MYH14: variants seen among roughly 807,000 people sequenced by gnomAD.
MYH14 encodes the protein myosin-14.
A neutral mutation model predicts 255.5 loss-of-function variants in MYH14; 123 were observed. The ratio of observed to expected loss-of-function variants is 0.48; its 90% CI spans 0.42 to 0.56. The LOEUF (loss-of-function observed/expected upper bound fraction) is 0.56. Among genes scored for constraint, MYH14 ranks in the 20% least tolerant of loss-of-function variants. MYH14 has a pLI of 0.00. For missense variants in MYH14, 2,423 were observed against 2,802.3 expected (o/e 0.86, Z 3.06); for synonymous variants, 1,095 against 1,161.2 (o/e 0.94, Z 1.16).
Position 50,278,241 on chromosome 19 carries a change from T to C in MYH14, c.3984T>C (p.Asp1328=). The change falls in exon 30 of 43, where the codon GAT becomes GAC. Residue 1328 remains aspartate, a synonymous_variant. Coordinates refer to ENST00000642316, the MANE Select transcript of MYH14 (RefSeq NM_001145809.2). ...QLQEVQGRAG[D]GERARAEAAE... is the part of the protein sequence containing the mutation. ...AGGAGGTGCAGGGCCGGGCTGGTGA[T>C]GGGGAGAGGGCACGAGCGGAGGCTG... The C allele has an allele frequency of 6.3e-7, 1 of 1,596,372 alleles. No individual in the cohort carries two copies. The highest frequency in any genetic ancestry group is 8.5e-7 in the Non-Finnish European group (1 of 1,172,554).
intron 13 of MYH14, 147 bp from the exon 14 acceptor site, chr19:50,249,503 C>A: frequency 1.1e-6 from 1 of 888,338 alleles, no homozygotes; most frequent in South Asian, 1.6e-5. Flanking sequence ...GTCTCTGTCC[C>A]CCTCTCTCTG....
intron 39 of MYH14, among the ~76,000 whole-genome samples, chr19:50,298,675 C>T (rs1334807842): frequency 6.6e-6 from 1 of 151,188 alleles, no homozygotes; most frequent in African/African-American, 2.4e-5. Context: ...AGCTTGAACC[C>T]AGGAGGCAGA....
intron 39 of MYH14, among the ~76,000 whole-genome samples, chr19:50,297,671 T>C (rs1415647587): frequency 6.7e-6 from 1 of 149,884 alleles, no homozygotes; most frequent in Admixed American, 6.6e-5. Flanking sequence ...TAATTTTTTT[T>C]GTATTTTTAG....
intron 3 of MYH14, among the ~76,000 whole-genome samples, chr19:50,220,922 T>C (rs2032787135): frequency 6.6e-6 from 1 of 152,192 alleles, no homozygotes; most frequent in African/African-American, 2.4e-5. Context: ...CCAGGTAGAA[T>C]AGTGGATTCA....
rs2036285201 is a variant in MYH14, at chr19:50,296,878, T to TC, written c.5469+3191_5469+3192insC. On this transcript the variant is annotated intron_variant, in intron 39 of 42. Coordinates refer to ENST00000642316, the MANE Select transcript of MYH14 (RefSeq NM_001145809.2). ...TCTGTTTAAATTCAACAGCAACGTTTTAAAAAAATATTAATTAGTTGCTGT... is the reference window on the plus strand; with the variant it reads ...TCTGTTTAAATTCAACAGCAACGTTTCTAAAAAAATATTAATTAGTTGCTGT... 1.3e-4 allele frequency among the ~76,000 whole-genome samples: 10 copies of TC among 79,596 alleles called. No individual in the cohort carries two copies. The Admixed American group carries it at 1.7e-3, about 14-fold the overall frequency. The allele number at this position is 79,596 out of a possible 152,430, so 52.2% of individuals were successfully genotyped here.
At position 50,276,212 on chromosome 19, in the gene MYH14, C is replaced by T. The variant is rs76579307; in HGVS notation, c.3680+9C>T. 335,729 of 1,525,978 alleles carry T rather than the reference C, an allele frequency of 0.22. 39,304 individuals are homozygous for T. The highest frequency in any genetic ancestry group is 0.24 in the Non-Finnish European group (273,095 of 1,134,108). 94.5% of individuals were successfully genotyped at this position (1,525,978 alleles called of 1,614,324 possible). Reference sequence around the variant, plus strand: ...GCACAGCAGGAGCTCCGGTGAGGCCCGGTGGCAGGCCGCTGTCACAGCCTG... The same window carrying T: ...GCACAGCAGGAGCTCCGGTGAGGCCTGGTGGCAGGCCGCTGTCACAGCCTG... On this transcript the variant is annotated intron_variant, in intron 28 of 42. Transcript: ENST00000642316. The surrounding 1 kb of genome is among the most constrained non-coding windows in gnomAD (Gnocchi z 4.3).
chr19:50,255,190 C>G lies in MYH14; in HGVS notation c.1946-30C>G. 3.5e-6 allele frequency: 5 copies of G among 1,434,776 alleles called. No individual in the cohort carries two copies. In the South Asian group the frequency reaches 6.1e-5, roughly 18 times the overall value. The allele number at this position is 1,434,776 out of a possible 1,614,324, so 88.9% of individuals were successfully genotyped here. ...CCATCTCTCTGCCATCTCCCCTCCA[C>G]CCACCCACACATCTGTCCTCACTCC... is the stretch of plus-strand genomic sequence containing the variant. On this transcript the variant is annotated intron_variant, in intron 16 of 42. Transcript: ENST00000642316.
rs200553325 is a variant in MYH14, at chr19:50,293,727, T to C, written c.5469+40T>C. 2.3e-5 allele frequency: 35 copies of C among 1,522,756 alleles called. No individual in the cohort carries two copies. In the Admixed American group the frequency reaches 3.5e-4, roughly 15 times the overall value. The allele number at this position is 1,522,756 out of a possible 1,614,324, so 94.3% of individuals were successfully genotyped here. A position where few individuals can be genotyped will look rare whatever the true frequency, so the allele number is the denominator to read the frequency against. On this transcript the variant is annotated intron_variant, in intron 39 of 42. Transcript: ENST00000642316. This position sits in a 1 kb window ranked among gnomAD's most constrained non-coding sequence, Gnocchi z 4.1. ...CCGCCCCCACCAGCCTCAGTCCCCA[T>C]TGACCTGGGACCGTAACCTTCAGTC...
At chr19:50,268,408 CCT>C (rs1353857081) in intron 24 of MYH14, 41 bp downstream of exon 24, 105 of 1,537,616 alleles carry the variant, frequency 6.8e-5, no homozygotes, top group Admixed American at 1.8e-4. Flanking sequence ...CCTCCAGACC[CCT>C]CTGTCTACAC....
chr19:50,287,792 A>C (rs955814047), intron 34 of MYH14, among the ~76,000 whole-genome samples: 27 of 152,216 alleles, frequency 1.8e-4, no homozygotes, highest in Non-Finnish European at 7.3e-5. Flanking sequence ...ACACATATGT[A>C]TGGATGCTCA....
At chr19:50,308,903 G>A in intron 41 of MYH14, 102 bp from the exon 42 acceptor site, 4 of 1,141,012 alleles carry the variant, frequency 3.5e-6, no homozygotes, top group Non-Finnish European at 5.0e-6. Flanking sequence ...GGGGCAGAGA[G>A]AGTCAGGGGG....
intron 10 of MYH14, among the ~76,000 whole-genome samples, chr19:50,233,177 T>G (rs1484356938): frequency 6.6e-6 from 1 of 151,958 alleles, no homozygotes; most frequent in African/African-American, 2.4e-5. Context: ...CCCCACTTTT[T>G]TTTTTCTTTT....
Position 50,210,564 on chromosome 19 carries a change from G to A in MYH14, c.199G>A (p.Ala67Thr). ...WVPSELHGFE[A>T]AALRDEGEEE... is the part of the protein sequence containing the mutation. ...GCCTTCGGAGCTTCACGGGTTCGAG[G>A]CGGCGGCGCTGCGGGACGAAGGCGA... Residue 67 changes from alanine (A) to threonine (T), a missense_variant, in exon 2 of 43, where the codon GCG becomes ACG. Physicochemically the swap from Ala to Thr is moderately conservative, Grantham distance 58. Transcript: ENST00000642316. The A allele has an allele frequency of 6.3e-7, 1 of 1,581,590 alleles. No homozygotes were observed. Among genetic ancestry groups the A allele is most frequent in the Non-Finnish European group, 8.6e-7 (1 of 1,164,978 alleles).
At chr19:50,216,062 C>T (rs1030906494) in intron 2 of MYH14, among the ~76,000 whole-genome samples, 1 of 152,232 alleles carries the variant, frequency 6.6e-6, no homozygotes, top group African/African-American at 2.4e-5. Flanking sequence ...AGTTAGCTCT[C>T]TGGCTGGTTT....
intron 17 of MYH14, among the ~76,000 whole-genome samples, chr19:50,256,703 T>C (rs188988766): frequency 2.6e-5 from 4 of 152,312 alleles, no homozygotes; most frequent in Non-Finnish European, 4.4e-5. Context: ...GAAATTAGGC[T>C]CTTCTGGAAA....
intron 40 of MYH14, among the ~76,000 whole-genome samples, chr19:50,302,597 A>G (rs928328266): frequency 6.7e-6 from 1 of 148,380 alleles, no homozygotes; most frequent in African/African-American, 2.5e-5. Flanking sequence ...AAAAAAAGAA[A>G]GAAAAAAAGA....
intron 8 of MYH14, 24 bp downstream of exon 8, chr19:50,226,990 G>T: frequency 6.2e-7 from 1 of 1,613,140 alleles, no homozygotes. Context: ...GCCCATGGGG[G>T]TGGCAGCCAA....
Position 50,230,819 on chromosome 19 carries a change from T to TTCCAGCTCTGTCCCGGGTCTGGC in MYH14, c.973+199_973+221dup. On this transcript the variant is annotated intron_variant, in intron 9 of 42. Transcript: ENST00000642316. This position sits in a 1 kb window ranked among gnomAD's most constrained non-coding sequence, Gnocchi z 4.7. ...CACGGTGGGTTCTGCTGCGCTCTGG[T>TTCCAGCTCTGTCCCGGGTCTGGC]TCCAGCTCTGTCCCGGGTCTGGCTC... 1 of 583,170 alleles carries TTCCAGCTCTGTCCCGGGTCTGGC rather than the reference T, an allele frequency of 1.7e-6. No homozygotes were observed. The highest frequency in any genetic ancestry group is 3.1e-6 in the Non-Finnish European group (1 of 326,542). 36.1% of individuals were successfully genotyped at this position (583,170 alleles called of 1,614,324 possible).
rs2034453863 is a variant in MYH14 at position 50,252,809 on chromosome 19, A to T, written c.1945+56A>T. 1 of 1,277,434 alleles carries T rather than the reference A, an allele frequency of 7.8e-7. No individual in the cohort carries two copies. The highest frequency in any genetic ancestry group is 2.1e-5 in the Admixed American group (1 of 48,602). 79.1% of individuals were successfully genotyped at this position (1,277,434 alleles called of 1,614,324 possible). Reference sequence around the variant, plus strand: ...AGGGGTCTGTGCGGCCATTCTCCAAATCCACAGCGTGAGCACCTTTGTTTC... The same window carrying T: ...AGGGGTCTGTGCGGCCATTCTCCAATTCCACAGCGTGAGCACCTTTGTTTC... On this transcript the variant is annotated intron_variant, in intron 16 of 42. Transcript: ENST00000642316. This position sits in a 1 kb window ranked among gnomAD's most constrained non-coding sequence, Gnocchi z 4.2.
Sources: gnomAD v4.1 joint callset for allele counts (sites outside exome capture counted in the v4.1 genomes callset) on GRCh38, gnomAD v4.1.1 for gene constraint, Gnocchi (gnomAD v3.1) non-coding constraint, MANE v1.5 for transcripts, NCBI Gene and HGNC (gene_info 2026-07-23, HGNC 2026-07-21) for gene names.